Variants in CSMD1 observed in about 807,000 individuals in gnomAD.
The protein encoded by CSMD1 is CUB and sushi domain-containing protein 1.
Under a neutral mutation model 417.5 loss-of-function variants are expected in CSMD1, and 213 were observed. That is an observed-to-expected ratio of 0.51 (90% CI 0.46 to 0.57). The LOEUF (loss-of-function observed/expected upper bound fraction) is 0.57. CSMD1 is among the 20% of genes least tolerant of loss of function. CSMD1 has a pLI of 0.00. For missense variants in CSMD1, 6,923 were observed against 4,529.7 expected, an observed-to-expected ratio of 1.53 and a Z score of -15.17; for synonymous variants, 2,862 against 1,736.8, an observed-to-expected ratio of 1.65 and a Z score of -16.11.
At chr8:3,398,955 C>G (rs1811869608) in intron 16 of CSMD1, among the ~76,000 whole-genome samples, 1 of 152,144 alleles carries the variant, frequency 6.6e-6, no homozygotes, top group African/African-American at 2.4e-5. Flanking sequence ...CACCCCATTG[C>G]CCGCTCAGCA....
At chr8:4,256,807 C>T (rs1803489472) in intron 3 of CSMD1, among the ~76,000 whole-genome samples, 1 of 152,138 alleles carries the variant, frequency 6.6e-6, no homozygotes. Flanking sequence ...CAGGGCCTGG[C>T]ATAAAGTCGA....
chr8:3,767,621 T>C (rs1798348972), intron 5 of CSMD1, among the ~76,000 whole-genome samples: 1 of 152,188 alleles, frequency 6.6e-6, no homozygotes, highest in South Asian at 2.1e-4. Flanking sequence ...TTATATCCAC[T>C]TGCATATATA....
chr8:4,459,575 G>A (rs1205374069), intron 2 of CSMD1, among the ~76,000 whole-genome samples: 1 of 152,220 alleles, frequency 6.6e-6, no homozygotes, highest in Non-Finnish European at 1.5e-5. Context: ...GCTAATCCAT[G>A]GAATGGCTAG....
chr8:3,388,466 T>C (rs1811145987), intron 17 of CSMD1, among the ~76,000 whole-genome samples: 1 of 152,330 alleles, frequency 6.6e-6, no homozygotes, highest in East Asian at 1.9e-4. Flanking sequence ...ATCCTTGTTA[T>C]TGCTGTGTCA....
Position 3,858,105 on chromosome 8 carries a change from CAT to C in CSMD1, c.819-104065_819-104064del, listed in dbSNP as rs201093317. Among the ~76,000 whole-genome samples the C allele has an allele frequency of 2.6e-5, 4 of 152,322 alleles. No homozygotes were observed. In the East Asian group the frequency reaches 5.8e-4, roughly 22 times the overall value. ...TGACTGTCCAATTGAATTTTAATAA[CAT>C]AGTCAAATCACTTCGATCTTAGCTA... is the stretch of plus-strand genomic sequence containing the variant. On this transcript the variant is annotated intron_variant, in intron 5 of 69. Transcript: ENST00000635120.
At chr8:4,807,341 T>C (rs1038375902) in intron 1 of CSMD1, among the ~76,000 whole-genome samples, 1 of 152,154 alleles carries the variant, frequency 6.6e-6, no homozygotes, top group Non-Finnish European at 1.5e-5. Flanking sequence ...CAGCACTGAC[T>C]TAAAACCTAT....
chr8:4,469,756 G>T (rs556629705), intron 2 of CSMD1, among the ~76,000 whole-genome samples: 220 of 152,230 alleles, frequency 1.4e-3, no homozygotes, highest in African/African-American at 4.8e-3. Flanking sequence ...AATGGAAGGA[G>T]CCCTTGGAAT....
intron 2 of CSMD1, among the ~76,000 whole-genome samples, chr8:4,503,544 G>C (rs1802367269): frequency 6.6e-6 from 1 of 152,076 alleles, no homozygotes; most frequent in African/African-American, 2.4e-5. Flanking sequence ...TCCAATAAAT[G>C]ATTTTGTCAA....
chr8:3,890,123 T>G (rs1489478844), intron 5 of CSMD1, among the ~76,000 whole-genome samples: 1 of 152,194 alleles, frequency 6.6e-6, no homozygotes, highest in Non-Finnish European at 1.5e-5. Flanking sequence ...ATAACTTTGA[T>G]AGTTTATTAT....
intron 2 of CSMD1, among the ~76,000 whole-genome samples, chr8:4,560,279 A>C (rs189752078): frequency 6.6e-6 from 1 of 152,332 alleles, no homozygotes; most frequent in African/African-American, 2.4e-5. Flanking sequence ...CTATGTGACG[A>C]TGTGCAGTTC....
chr8:3,039,375 T>TTTTTC (rs1810924145), intron 50 of CSMD1, among the ~76,000 whole-genome samples: 1 of 131,994 alleles, frequency 7.6e-6, no homozygotes, highest in African/African-American at 3.9e-5. Context: ...TACTTTCCTT[T>TTTTTC]CTTCCTTCCT....
At chr8:4,819,188 A>T in intron 1 of CSMD1, among the ~76,000 whole-genome samples, 1 of 152,106 alleles carries the variant, frequency 6.6e-6, no homozygotes, top group Non-Finnish European at 1.5e-5. Flanking sequence ...CACACATTCA[A>T]TTTTTTTGAC....
chr8:4,849,840 A>G (rs1321924323), intron 1 of CSMD1, among the ~76,000 whole-genome samples: 2 of 152,170 alleles, frequency 1.3e-5, no homozygotes, highest in Non-Finnish European at 2.9e-5. Context: ...ATATTTCCTC[A>G]TTGTTATGTA....
intron 59 of CSMD1, among the ~76,000 whole-genome samples, chr8:2,964,975 T>A (rs573838271): frequency 1.3e-5 from 2 of 152,336 alleles, no homozygotes; most frequent in East Asian, 1.9e-4. Context: ...CCTAGTCTAA[T>A]AAGGAGGAGA....
At chr8:3,447,437 G>C (rs537918798) in intron 12 of CSMD1, among the ~76,000 whole-genome samples, 2 of 152,286 alleles carry the variant, frequency 1.3e-5, no homozygotes, top group South Asian at 2.1e-4. Context: ...GGTATTTTTA[G>C]ATAAAGTGGA....
chr8:3,922,385 T>C (rs1470191143), intron 5 of CSMD1, among the ~76,000 whole-genome samples: 1 of 152,110 alleles, frequency 6.6e-6, no homozygotes, highest in Non-Finnish European at 1.5e-5. Flanking sequence ...AAGTAATTAT[T>C]AATAGGTAAG....
At chr8:3,430,166 C>G (rs1314545320) in intron 12 of CSMD1, among the ~76,000 whole-genome samples, 1 of 152,084 alleles carries the variant, frequency 6.6e-6, no homozygotes, top group Non-Finnish European at 1.5e-5. Context: ...CACAACTATA[C>G]TGGGAATTCT....
At chr8:3,397,716 G>A (rs1811789580) in intron 16 of CSMD1, among the ~76,000 whole-genome samples, 2 of 152,176 alleles carry the variant, frequency 1.3e-5, no homozygotes, top group Non-Finnish European at 2.9e-5. Context: ...GTCCTATCCT[G>A]TTTCTTTAGT....
intron 1 of CSMD1, among the ~76,000 whole-genome samples, chr8:4,964,146 A>G (rs1399252565): frequency 6.6e-6 from 1 of 151,984 alleles, no homozygotes; most frequent in Non-Finnish European, 1.5e-5. Context: ...CATTCTTTCC[A>G]AAGACTTCAG....
Sources: gnomAD v4.1 joint callset for allele counts (sites outside exome capture counted in the v4.1 genomes callset) on GRCh38, gnomAD v4.1.1 for gene constraint, MANE v1.5 for transcripts, NCBI Gene and HGNC (gene_info 2026-07-23, HGNC 2026-07-21) for gene names.